Variants in SNX5 observed in about 807,000 individuals in gnomAD.
SNX5 encodes the protein sorting nexin-5.
A neutral mutation model predicts 53.9 loss-of-function variants in SNX5; 31 were observed. The ratio of observed to expected loss-of-function variants is 0.58; its 90% CI spans 0.43 to 0.78. The LOEUF is 0.78. Among genes scored for constraint, SNX5 ranks in the 30% least tolerant of loss-of-function variants. SNX5 has a pLI of 0.00. For synonymous variants in SNX5, 168 were observed against 171.1 expected (o/e 0.98, Z 0.14); for missense variants, 471 against 478.8 (o/e 0.98, Z 0.15).
intron 1 of SNX5, among the ~76,000 whole-genome samples, chr20:17,962,440 T>C (rs2035472246): frequency 6.6e-6 from 1 of 152,024 alleles, no homozygotes; most frequent in Admixed American, 6.6e-5. Context: ...CCTGACCTCG[T>C]GATCTGCCCG....
intron 11 of SNX5, among the ~76,000 whole-genome samples, chr20:17,946,236 A>G (rs1314313443): frequency 3.3e-5 from 5 of 152,248 alleles, no homozygotes; most frequent in Non-Finnish European, 7.3e-5. Flanking sequence ...ATATGTGTGC[A>G]CACACACATA....
intron 1 of SNX5, 69 bp from the exon 2 acceptor site, chr20:17,957,106 A>G: frequency 1.1e-6 from 1 of 934,154 alleles, no homozygotes; most frequent in South Asian, 1.3e-5. Flanking sequence ...AAAAATGAGT[A>G]GTTACTAAAA....
rs775544916 is a variant in SNX5 at position 17,950,207 on chromosome 20, T to C, written c.716A>G (p.Asn239Ser). The change falls in exon 8 of 13, where the codon AAT becomes AGT. Residue 239 changes from asparagine to serine, a missense_variant and splice_region_variant. By Grantham distance (46) the Asn-to-Ser change is conservative. Coordinates refer to ENST00000377759, the MANE Select transcript of SNX5 (RefSeq NM_014426.4). ...GGTGTGGATATAGTCATCGGCAACA[T>C]CTGCAGAAACAAGGACAAGTCTTTT... ...KADKMTRSHK[N>S]VADDYIHTAA... is the part of the protein sequence containing the mutation. The C allele has an allele frequency of 1.5e-5, 24 of 1,614,052 alleles. No homozygotes were observed. Among genetic ancestry groups the C allele is most frequent in the Non-Finnish European group, 9.3e-6 (11 of 1,179,994 alleles).
intron 1 of SNX5, among the ~76,000 whole-genome samples, chr20:17,963,568 C>T (rs2035491783): frequency 6.6e-6 from 1 of 152,212 alleles, no homozygotes; most frequent in South Asian, 2.1e-4. Context: ...CAAAAGTTCA[C>T]TGGCATACCA....
In SNX5 at chr20:17,943,368, G is replaced by A. The variant is rs535758846; in HGVS notation, c.1079-173C>T. ...GGGACACATCAGACATCTATTAACT[G>A]TGGTGATACAGCTATCACTGTCTTT... is the stretch of plus-strand genomic sequence containing the variant. On this transcript the variant is annotated intron_variant, in intron 11 of 12. Transcript: ENST00000377759. 3.7e-5 allele frequency: 22 copies of A among 589,894 alleles called. No individual in the cohort carries two copies. The East Asian group carries it at 5.5e-4, about 15-fold the overall frequency. The allele number at this position is 589,894 out of a possible 1,614,324, so 36.5% of individuals were successfully genotyped here.
intron 1 of SNX5, chr20:17,963,052 G>A (rs993683625): frequency 4.4e-5 from 16 of 361,670 alleles, no homozygotes; most frequent in Admixed American, 1.1e-4. Context: ...ACTAAGTACC[G>A]AAATTATAAT....
intron 10 of SNX5, 55 bp from the exon 11 acceptor site, chr20:17,947,700 T>C (rs1250293206): frequency 3.4e-6 from 5 of 1,480,702 alleles, no homozygotes; most frequent in East Asian, 2.4e-5. Context: ...GTCTAAAAAA[T>C]AGCCCAAGTG....
In SNX5 at chr20:17,947,665, G is replaced by T; in HGVS notation, c.919-20C>A. The stretch of plus-strand genomic sequence containing the variant: ...GAGATCCTGGGAAAAAAATTAACAG[G>T]TATACATACTAAGTATCTAAACCAG... On this transcript the variant is annotated intron_variant, in intron 10 of 12. Transcript: ENST00000377759. The T allele has an allele frequency of 6.2e-7, 1 of 1,602,588 alleles. No individual in the cohort carries two copies. Among genetic ancestry groups the T allele is most frequent in the Non-Finnish European group, 8.5e-7 (1 of 1,175,146 alleles).
rs376994080 is a variant in SNX5 at position 17,948,378 on chromosome 20, A to G, written c.918+512T>C. On this transcript the variant is annotated intron_variant, in intron 10 of 12. Transcript: ENST00000377759. ...AAATAAAATTGCATGATGGGGGGAA[A>G]AATTTTTTTTACTCTTTTACTTTCT... is the stretch of plus-strand genomic sequence containing the variant. Among the ~76,000 whole-genome samples, 108 of 152,362 alleles carry G rather than the reference A, an allele frequency of 7.1e-4. 3 individuals are homozygous for G. In the South Asian group the frequency reaches 0.021, roughly 29 times the overall value.
rs112958723 is a variant in SNX5, at chr20:17,953,592, AAC to A, written c.389+402_389+403del. Among the ~76,000 whole-genome samples the A allele has an allele frequency of 9.8e-3, 1,491 of 152,310 alleles. 22 individuals carry two copies. Among genetic ancestry groups the A allele is most frequent in the African/African-American group, 0.035 (1,435 of 41,550 alleles). On this transcript the variant is annotated intron_variant, in intron 4 of 12. Transcript: ENST00000377759. ...TCAGGAGTTCGAGACCAGCCGGGGCAACACATGACGAAACCCCCAACTCTCTA... is the reference window on the plus strand; with the variant it reads ...TCAGGAGTTCGAGACCAGCCGGGGCAACATGACGAAACCCCCAACTCTCTA...
chr20:17,952,742 G>C, intron 4 of SNX5, 32 bp from the exon 5 acceptor site: 1 of 1,608,284 alleles, frequency 6.2e-7, no homozygotes, highest in Non-Finnish European at 8.5e-7. Flanking sequence ...GCATTCAGTT[G>C]ACACAGCTCA....
Position 17,941,777 on chromosome 20 carries a change from A to G in SNX5, c.*580T>C, listed in dbSNP as rs1405085636. 7 of 152,668 alleles carry G rather than the reference A, an allele frequency of 4.6e-5. No individual in the cohort carries two copies. The highest frequency in any genetic ancestry group is 2.6e-4 in the Admixed American group (4 of 15,304). 9.5% of individuals were successfully genotyped at this position (152,668 alleles called of 1,614,324 possible). A position where few individuals can be genotyped will look rare whatever the true frequency, so the allele number is the denominator to read the frequency against. The stretch of plus-strand genomic sequence containing the variant: ...TTTGTTTCCATATATACCTGTAGAT[A>G]TTTCTCTCCCCTCAAATATTTATAT... On this transcript the variant is annotated 3_prime_UTR_variant, in exon 13 of 13. Coordinates refer to ENST00000377759, the MANE Select transcript of SNX5 (RefSeq NM_014426.4).
At chr20:17,954,917 G>A (rs1470881666) in intron 3 of SNX5, among the ~76,000 whole-genome samples, 1 of 152,090 alleles carries the variant, frequency 6.6e-6, no homozygotes, top group African/African-American at 2.4e-5. Flanking sequence ...TCATCATGTT[G>A]CCCAGGCACG....
intron 1 of SNX5, among the ~76,000 whole-genome samples, chr20:17,958,204 G>C (rs1434614276): frequency 2.6e-5 from 4 of 152,134 alleles, no homozygotes; most frequent in Non-Finnish European, 4.4e-5. Flanking sequence ...GAGTGCTAAA[G>C]TAAAGTTGTC....
rs771957175 is a variant in SNX5, at chr20:17,943,144, A to G, written c.1130T>C (p.Ile377Thr). ...TTTTATTTCCAGTTCAGACATTTCA[A>G]TTAGATTCTTTCTAAATGCTGCCAC... ...KRVAAFRKNL[I>T]EMSELEIKHA... The change falls in exon 12 of 13, where the codon ATT becomes ACT. Residue 377 changes from isoleucine to threonine, a missense_variant. Transcript: ENST00000377759. 2.0e-5 allele frequency: 32 copies of G among 1,610,064 alleles called. No homozygotes were observed. In the Middle Eastern group the frequency reaches 1.2e-3, roughly 58 times the overall value.
At chr20:17,961,604 T>G in intron 1 of SNX5, 1 of 967,356 alleles carries the variant, frequency 1.0e-6, no homozygotes, top group Non-Finnish European at 1.2e-6. Context: ...CATAAATTAC[T>G]ACAGATAGGA....
intron 6 of SNX5, among the ~76,000 whole-genome samples, chr20:17,950,733 G>GT (rs957184585): frequency 1.1e-4 from 16 of 151,742 alleles, no homozygotes; most frequent in African/African-American, 2.7e-4. Flanking sequence ...TGTGAATGAG[G>GT]TTTTTTTTTC....
intron 1 of SNX5, among the ~76,000 whole-genome samples, chr20:17,964,934 A>T (rs1346231290): frequency 1.3e-5 from 2 of 152,234 alleles, no homozygotes; most frequent in East Asian, 3.8e-4. Context: ...TCAAGTACCC[A>T]GAACCTGCTG....
In SNX5 at chr20:17,967,343, CA is replaced by C. The variant is rs11471715; in HGVS notation, c.51+1031del. On this transcript the variant is annotated intron_variant, in intron 1 of 12. Coordinates refer to ENST00000377759, the MANE Select transcript of SNX5 (RefSeq NM_014426.4). Reference sequence around the variant, plus strand: ...CTTTGTTTTAGTAATAAAGAACTTTCAAAAAAAAAACCACTCTAAACAACAC... The same window carrying C: ...CTTTGTTTTAGTAATAAAGAACTTTCAAAAAAAAACCACTCTAAACAACAC... Among the ~76,000 whole-genome samples the C allele has an allele frequency of 9.5e-3, 1,398 of 146,746 alleles. 46 individuals carry two copies. The East Asian group carries it at 0.11, about 12-fold the overall frequency.
Sources: allele counts gnomAD v4.1 joint callset (sites outside exome capture counted in the v4.1 genomes callset), GRCh38; gene constraint gnomAD v4.1.1; transcripts MANE v1.5; gene names NCBI Gene and HGNC (gene_info 2026-07-23, HGNC 2026-07-21).